The following KIAA1671 variants were observed in gnomAD, a reference collection of about 807,000 sequenced individuals.
The protein encoded by KIAA1671 is KIAA1671, also known as uncharacterized protein KIAA1671.
A neutral mutation model predicts 131.2 loss-of-function variants in KIAA1671; 52 were observed. The ratio of observed to expected loss-of-function variants is 0.40; its 90% CI spans 0.32 to 0.50. The LOEUF is 0.50. KIAA1671 is among the 20% of genes least tolerant of loss of function. The pLI, the probability that KIAA1671 is intolerant of heterozygous loss-of-function variation, is 0.73. For missense variants in KIAA1671, 2,360 were observed against 2,364.2 expected, an observed-to-expected ratio of 1.00 and a Z score of 0.04; for synonymous variants, 1,003 against 961.6, an observed-to-expected ratio of 1.04 and a Z score of -0.80.
Position 25,029,503 on chromosome 22 carries a change from T to C in KIAA1671, c.1504T>C (p.Phe502Leu). ...EAKPEVRRRT[F>L]QARPLSADLT... ...TAAGCCCGAGGTCAGGAGGAGGACG[T>C]TCCAGGCTCGGCCGCTGTCGGCGGA... The change falls in exon 3 of 13, where the codon TTC (phenylalanine) becomes CTC (leucine). Residue 502 changes from phenylalanine to leucine, a missense_variant. Physicochemically the swap from Phe to Leu is conservative, Grantham distance 22. Coordinates refer to ENST00000358431, the MANE Select transcript of KIAA1671 (RefSeq NM_001145206.2). The C allele has an allele frequency of 1.3e-6, 2 of 1,549,372 alleles. No homozygotes were observed. The highest frequency in any genetic ancestry group is 1.7e-6 in the Non-Finnish European group (2 of 1,145,820).
intron 6 of KIAA1671, among the ~76,000 whole-genome samples, chr22:25,113,470 C>G (rs934697465): frequency 2.0e-5 from 3 of 152,206 alleles, no homozygotes; most frequent in Non-Finnish European, 4.4e-5. Flanking sequence ...CTGGGTTCCT[C>G]CTAGCCAGGA....
intron 4 of KIAA1671, among the ~76,000 whole-genome samples, chr22:25,036,481 T>A (rs1188654346): frequency 6.6e-6 from 1 of 152,154 alleles, no homozygotes; most frequent in African/African-American, 2.4e-5. Flanking sequence ...TTACAAAATT[T>A]ACAAAGTTTC....
intron 1 of KIAA1671, among the ~76,000 whole-genome samples, chr22:24,970,741 AC>A (rs368120614): frequency 1.9e-4 from 28 of 147,538 alleles, no homozygotes; most frequent in African/African-American, 3.6e-4. Flanking sequence ...AAAAAAAAAA[AC>A]AAAACAAAAC....
intron 6 of KIAA1671, among the ~76,000 whole-genome samples, chr22:25,077,409 A>T (rs184068014): frequency 8.3e-4 from 126 of 152,216 alleles, no homozygotes; most frequent in African/African-American, 3.0e-3. Flanking sequence ...GTTTGTTGGG[A>T]GCTGGGGAGG....
At chr22:25,112,329 C>T in intron 6 of KIAA1671, 1 of 399,060 alleles carries the variant, frequency 2.5e-6, no homozygotes, top group African/African-American at 2.1e-5. Context: ...AGCCGGACCC[C>T]CTTCAAGCGT....
At chr22:25,184,621 G>A (rs1469544505) in intron 10 of KIAA1671, among the ~76,000 whole-genome samples, 1 of 152,204 alleles carries the variant, frequency 6.6e-6, no homozygotes, top group East Asian at 1.9e-4. Flanking sequence ...CAGGAGTAAG[G>A]AACTGAACGG....
intron 10 of KIAA1671, among the ~76,000 whole-genome samples, chr22:25,183,940 G>A (rs2146040091): frequency 6.6e-6 from 1 of 152,268 alleles, no homozygotes; most frequent in Admixed American, 6.5e-5. Context: ...CAGGCCCTGG[G>A]TGTAGGTGAG....
chr22:25,046,996 C>T (rs752715686), intron 5 of KIAA1671, among the ~76,000 whole-genome samples: 31 of 147,560 alleles, frequency 2.1e-4, no homozygotes, highest in Non-Finnish European at 3.4e-4. Context: ...TTTGAGCCAG[C>T]GTCTCACTCT....
chr22:25,093,325 C>T (rs1192046497), intron 6 of KIAA1671, among the ~76,000 whole-genome samples: 1 of 152,108 alleles, frequency 6.6e-6, no homozygotes, highest in East Asian at 1.9e-4. Context: ...TCTCATCTTT[C>T]AAGAGGAGAG....
chr22:25,094,548 G>T (rs1444427452), intron 6 of KIAA1671, among the ~76,000 whole-genome samples: 2 of 152,146 alleles, frequency 1.3e-5, no homozygotes, highest in South Asian at 2.1e-4. Flanking sequence ...AATGGGACCA[G>T]TGAGTTCATT....
At chr22:25,090,125 G>T (rs1181270209) in intron 6 of KIAA1671, among the ~76,000 whole-genome samples, 2 of 152,190 alleles carry the variant, frequency 1.3e-5, no homozygotes, top group Admixed American at 1.3e-4. Context: ...AGGGAGTGCG[G>T]GCAGCTCCTT....
At chr22:25,019,831 C>T (rs57721634) in intron 1 of KIAA1671, among the ~76,000 whole-genome samples, 1 of 152,134 alleles carries the variant, frequency 6.6e-6, no homozygotes, top group South Asian at 2.1e-4. Context: ...TGATTCCAAA[C>T]TAAAGACTTG....
chr22:25,080,021 T>C (rs909399794), intron 6 of KIAA1671, among the ~76,000 whole-genome samples: 5 of 152,038 alleles, frequency 3.3e-5, no homozygotes, highest in African/African-American at 1.2e-4. Context: ...GATGTGCTCA[T>C]GGATTGGACA....
chr22:25,033,574 GTTTTTTTTTTTTTTTT>G (rs71191019), intron 4 of KIAA1671, among the ~76,000 whole-genome samples: 1 of 58,420 alleles, frequency 1.7e-5, no homozygotes, highest in East Asian at 6.0e-4. Flanking sequence ...GTTTGTTTTC[GTTTTTTTTTTTTTTTT>G]TTTTTTTTGA....
intron 6 of KIAA1671, among the ~76,000 whole-genome samples, chr22:25,129,019 G>A (rs567540580): frequency 1.3e-5 from 2 of 152,240 alleles, no homozygotes; most frequent in East Asian, 3.9e-4. Flanking sequence ...GGAGGCAGCC[G>A]CACTTAGTGC....
chr22:25,021,289 G>T (rs947317223), intron 1 of KIAA1671, among the ~76,000 whole-genome samples: 1 of 148,158 alleles, frequency 6.7e-6, no homozygotes, highest in African/African-American at 2.4e-5. Flanking sequence ...GAACTCCTGG[G>T]CTCAAGTGAT....
chr22:25,174,514 C>T (rs1184567849), intron 8 of KIAA1671, 25 bp downstream of exon 8: 2 of 1,482,782 alleles, frequency 1.3e-6, no homozygotes, highest in Non-Finnish European at 1.8e-6. Flanking sequence ...AGGAGCATTT[C>T]TTCTTAAATG....
At chr22:25,142,725 A>G (rs1568977330) in intron 6 of KIAA1671, among the ~76,000 whole-genome samples, 1 of 152,194 alleles carries the variant, frequency 6.6e-6, no homozygotes, top group African/African-American at 2.4e-5. Context: ...TAGAAAAATT[A>G]GCCAGGTGTG....
chr22:25,087,050 G>T (rs948765116), intron 6 of KIAA1671, among the ~76,000 whole-genome samples: 1 of 152,130 alleles, frequency 6.6e-6, no homozygotes, highest in African/African-American at 2.4e-5. Context: ...CTACCTCTTT[G>T]ACTTCAAATT....
Sources: allele counts gnomAD v4.1 joint callset (sites outside exome capture counted in the v4.1 genomes callset), GRCh38; gene constraint gnomAD v4.1.1; transcripts MANE v1.5; gene names NCBI Gene and HGNC (gene_info 2026-07-23, HGNC 2026-07-21).